PSMD7: variants seen among roughly 807,000 people sequenced by gnomAD.
PSMD7 encodes 26S proteasome non-ATPase regulatory subunit 7.
A neutral mutation model predicts 36.4 loss-of-function variants in PSMD7; 13 were observed. The observed-to-expected ratio is 0.36, with a 90% confidence interval of 0.23 to 0.57. The LOEUF (loss-of-function observed/expected upper bound fraction) is 0.57, where lower values mean the gene tolerates loss of function less well. Among genes scored for constraint, PSMD7 ranks in the 20% least tolerant of loss-of-function variants. PSMD7 has a pLI of 0.83. For synonymous variants in PSMD7, 186 were observed against 151.0 expected (o/e 1.23, Z -1.70); for missense variants, 298 against 393.6 (o/e 0.76, Z 2.06).
chr16:74,303,011 G>C lies in PSMD7; in HGVS notation c.438+719G>C, dbSNP rs191416351. On this transcript the variant is annotated intron_variant, in intron 5 of 6. Transcript: ENST00000219313. ...GGCTTTCATCCCTGGTTTTGACCCA[G>C]TTGTTTTTAGTGAATTTTTCTCCTG... 3.9e-5 allele frequency among the ~76,000 whole-genome samples: 6 copies of C among 152,276 alleles called. No homozygotes were observed. The East Asian group carries it at 1.2e-3, about 29-fold the overall frequency.
rs1221084075 is a variant in PSMD7, at chr16:74,299,404, G to A, written c.75-711G>A. Among the ~76,000 whole-genome samples the A allele has an allele frequency of 5.9e-5, 9 of 152,164 alleles. No individual in the cohort carries two copies. In the East Asian group the frequency reaches 1.5e-3, roughly 26 times the overall value. On this transcript the variant is annotated intron_variant, in intron 1 of 6. Transcript: ENST00000219313. ...TATTCATTCATTTATTTTGAGACAG[G>A]GTCTGCCGAGGCTGGGGTGCAGTAG...
At chr16:74,305,036 T>C in intron 6 of PSMD7, 1 of 469,736 alleles carries the variant, frequency 2.1e-6, no homozygotes, top group African/African-American at 2.0e-5. Context: ...GTGGAAATGG[T>C]TTTATTTTAG....
chr16:74,300,697 T>C (rs2034148939), intron 2 of PSMD7, among the ~76,000 whole-genome samples: 2 of 152,236 alleles, frequency 1.3e-5, no homozygotes, highest in Admixed American at 6.5e-5. Context: ...TAGAGATCAC[T>C]AACTCTAGTG....
In PSMD7 at chr16:74,302,762, A is replaced by G. The variant is rs74326213; in HGVS notation, c.438+470A>G. Among the ~76,000 whole-genome samples the G allele has an allele frequency of 8.6e-3, 1,303 of 152,336 alleles. 16 individuals carry two copies. The highest frequency in any genetic ancestry group is 0.03 in the African/African-American group (1,248 of 41,572). The stretch of plus-strand genomic sequence containing the variant: ...GTCCCCCAAAAAACCAAGAAATCCA[A>G]ATTCCCCTTTTACAAATGAAAAGTT... On this transcript the variant is annotated intron_variant, in intron 5 of 6. Coordinates refer to ENST00000219313, the MANE Select transcript of PSMD7 (RefSeq NM_002811.5).
At chr16:74,301,245 C>G (rs1009948919) in intron 3 of PSMD7, 101 bp downstream of exon 3, 7 of 755,454 alleles carry the variant, frequency 9.3e-6, no homozygotes, top group Non-Finnish European at 1.5e-5. Flanking sequence ...TTTCACTTAG[C>G]TACACTTCAG....
At chr16:74,301,877 G>A (rs1158642847) in intron 4 of PSMD7, among the ~76,000 whole-genome samples, 2 of 152,068 alleles carry the variant, frequency 1.3e-5, no homozygotes, top group Admixed American at 6.5e-5. Flanking sequence ...TAATCCTCTC[G>A]GTAACTGTAT....
intron 1 of PSMD7, among the ~76,000 whole-genome samples, chr16:74,298,423 C>G (rs2142561169): frequency 6.6e-6 from 1 of 152,306 alleles, no homozygotes; most frequent in East Asian, 1.9e-4. Context: ...CCGCAACTTG[C>G]TGTGTGCAAC....
intron 2 of PSMD7, 147 bp downstream of exon 2, chr16:74,300,353 A>C: frequency 1.4e-6 from 1 of 694,200 alleles, no homozygotes; most frequent in Non-Finnish European, 2.5e-6. Context: ...TGAAGATTGC[A>C]CACTAGACCA....
intron 1 of PSMD7, among the ~76,000 whole-genome samples, chr16:74,299,401 CAG>C (rs2034138490): frequency 6.6e-6 from 1 of 152,140 alleles, no homozygotes; most frequent in Non-Finnish European, 1.5e-5. Context: ...TATTTTGAGA[CAG>C]GGTCTGCCGA....
At chr16:74,297,951 T>A (rs1402071296) in intron 1 of PSMD7, among the ~76,000 whole-genome samples, 1 of 151,832 alleles carries the variant, frequency 6.6e-6, no homozygotes, top group Non-Finnish European at 1.5e-5. Flanking sequence ...CTGATTAGAC[T>A]CCGTCTCAAA....
chr16:74,297,529 G>T (rs1027379568), intron 1 of PSMD7, among the ~76,000 whole-genome samples: 1 of 151,794 alleles, frequency 6.6e-6, no homozygotes, highest in Non-Finnish European at 1.5e-5. Flanking sequence ...GATGATGCTT[G>T]GGTGGGGCGG....
At chr16:74,301,511 T>A in intron 3 of PSMD7, 44 bp from the exon 4 acceptor site, 1 of 1,400,986 alleles carries the variant, frequency 7.1e-7, no homozygotes, top group Admixed American at 1.7e-5. Flanking sequence ...GTTGTATAGA[T>A]CTTCATGAAA....
intron 1 of PSMD7, among the ~76,000 whole-genome samples, chr16:74,299,383 C>T (rs2034138236): frequency 6.6e-6 from 1 of 152,108 alleles, no homozygotes; most frequent in Non-Finnish European, 1.5e-5. Context: ...CTCCTCTATT[C>T]ATTCATTTAT....
intron 5 of PSMD7, chr16:74,304,021 A>G (rs2034176234): frequency 6.9e-6 from 2 of 288,466 alleles, no homozygotes; most frequent in Non-Finnish European, 1.3e-5. Context: ...TCAACCTGAG[A>G]CCTCCCTGTG....
intron 6 of PSMD7, chr16:74,304,637 C>G (rs1393711710): frequency 2.6e-6 from 1 of 379,012 alleles, no homozygotes; most frequent in African/African-American, 2.0e-5. Context: ...TTGTGGATAG[C>G]ATACCTTGTC....
chr16:74,305,403 C>G lies in PSMD7; in HGVS notation c.645C>G (p.Val215=), dbSNP rs368732606. ...ATATCAGGAGCTACCTGGAAAAAGT[C>G]GCCACAGGCAAGCTGCCCATCAACC... ...LLDIRSYLEK[V]ATGKLPINHQ... The change falls in exon 7 of 7, where the codon GTC becomes GTG. Residue 215 remains valine, a synonymous_variant. Coordinates refer to ENST00000219313, the MANE Select transcript of PSMD7 (RefSeq NM_002811.5). 1 of 1,614,066 alleles carries G rather than the reference C, an allele frequency of 6.2e-7. No individual in the cohort carries two copies. The highest frequency in any genetic ancestry group is 8.5e-7 in the Non-Finnish European group (1 of 1,180,052).
chr16:74,298,176 A>AAG (rs1567524699), intron 1 of PSMD7, among the ~76,000 whole-genome samples: 1 of 150,626 alleles, frequency 6.6e-6, no homozygotes, highest in East Asian at 1.9e-4. Flanking sequence ...AAAAAAAAAA[A>AAG]GACCAGTTGG....
At position 74,300,175 on chromosome 16, in the gene PSMD7, G is replaced by T. The variant is rs1011341306; in HGVS notation, c.135G>T (p.Lys45Asn). ...GTGTGCTTTTGGGGTCATGGCAAAA[G>T]AAAGTACTTGATGTATCGAACAGTT... Reference protein sequence around the residue: ...VVGVLLGSWQKKVLDVSNSFA... With the variant: ...VVGVLLGSWQNKVLDVSNSFA... The change falls in exon 2 of 7, where the codon AAG (lysine) becomes AAT (asparagine). Residue 45 changes from lysine (K) to asparagine (N), a missense_variant. Lys to Asn is a moderately conservative substitution (Grantham distance 94). Transcript: ENST00000219313. 5 of 1,614,078 alleles carry T rather than the reference G, an allele frequency of 3.1e-6. No individual in the cohort carries two copies. The Admixed American group carries it at 5.0e-5, about 16-fold the overall frequency.
intron 1 of PSMD7, chr16:74,299,595 C>T (rs1224523106): frequency 4.4e-6 from 2 of 454,278 alleles, no homozygotes; most frequent in Non-Finnish European, 4.4e-6. Context: ...ATGTTGCCCA[C>T]GCTGCCCATG....
Sources: allele counts gnomAD v4.1 joint callset (sites outside exome capture counted in the v4.1 genomes callset), GRCh38; gene constraint gnomAD v4.1.1; transcripts MANE v1.5; gene names NCBI Gene and HGNC (gene_info 2026-07-23, HGNC 2026-07-21).